ZFYVE9: variants seen among roughly 807,000 people sequenced by gnomAD.
The protein encoded by ZFYVE9 is zinc finger FYVE-type containing 9, also known as zinc finger FYVE domain-containing protein 9.
ZFYVE9 carries 43 observed loss-of-function variants against 126.7 expected under a neutral mutation model. That is an observed-to-expected ratio of 0.34 (90% CI 0.27 to 0.44). ZFYVE9 has a LOEUF of 0.44. ZFYVE9 is among the 20% of genes least tolerant of loss of function. The pLI is 1.00. For missense variants in ZFYVE9, 1,476 were observed against 1,697.0 expected (o/e 0.87, Z 2.29); for synonymous variants, 521 against 597.4 (o/e 0.87, Z 1.87).
intron 17 of ZFYVE9, 52 bp from the exon 18 acceptor site, chr1:52,344,716 T>C: frequency 1.3e-6 from 2 of 1,598,694 alleles, no homozygotes; most frequent in Admixed American, 1.7e-5. Flanking sequence ...GCTAATCTAC[T>C]TCTCCCAAAA....
chr1:52,263,502 G>T (rs1481644490), intron 4 of ZFYVE9, among the ~76,000 whole-genome samples: 1 of 152,018 alleles, frequency 6.6e-6, no homozygotes, highest in Non-Finnish European at 1.5e-5. Flanking sequence ...AATTCAGGTG[G>T]TTTTTTCCCC....
At chr1:52,307,340 A>T (rs1343798924) in intron 13 of ZFYVE9, among the ~76,000 whole-genome samples, 2 of 152,096 alleles carry the variant, frequency 1.3e-5, no homozygotes, top group East Asian at 3.9e-4. Flanking sequence ...GATTCAAGCA[A>T]TTCTCCTACC....
At chr1:52,240,693 T>G (rs929913973) in intron 4 of ZFYVE9, among the ~76,000 whole-genome samples, 2 of 152,198 alleles carry the variant, frequency 1.3e-5, no homozygotes, top group Non-Finnish European at 2.9e-5. Context: ...TCAGTTCTAA[T>G]TATCGGGTCT....
At chr1:52,270,708 TTC>T (rs1645683810) in intron 7 of ZFYVE9, among the ~76,000 whole-genome samples, 1 of 152,158 alleles carries the variant, frequency 6.6e-6, no homozygotes, top group South Asian at 2.1e-4. Context: ...TCTTGAATAG[TTC>T]TCTCTCTTTT....
At chr1:52,213,363 G>A (rs1464326176) in intron 1 of ZFYVE9, among the ~76,000 whole-genome samples, 3 of 151,970 alleles carry the variant, frequency 2.0e-5, no homozygotes, top group Admixed American at 2.0e-4. Flanking sequence ...CAATTAAACA[G>A]GATGAGGCCA....
intron 13 of ZFYVE9, among the ~76,000 whole-genome samples, chr1:52,324,959 A>G (rs1189359753): frequency 6.6e-6 from 1 of 152,130 alleles, no homozygotes; most frequent in Non-Finnish European, 1.5e-5. Context: ...ACATAGTAAG[A>G]AAGACCCCAT....
At chr1:52,269,883 G>A (rs1251782306) in intron 7 of ZFYVE9, among the ~76,000 whole-genome samples, 2 of 151,934 alleles carry the variant, frequency 1.3e-5, no homozygotes, top group Non-Finnish European at 1.5e-5. Flanking sequence ...AACGTCCCAG[G>A]CTCAAGCAAT....
chr1:52,283,949 G>T (rs17107150), intron 10 of ZFYVE9, among the ~76,000 whole-genome samples: 3,116 of 152,256 alleles, frequency 0.02, 94 homozygotes, highest in African/African-American at 0.07. Context: ...AATAATTGCA[G>T]TGGAAATAAA....
intron 10 of ZFYVE9, among the ~76,000 whole-genome samples, chr1:52,283,915 A>T (rs1645828719): frequency 6.6e-6 from 1 of 152,240 alleles, no homozygotes; most frequent in Non-Finnish European, 1.5e-5. Context: ...GCAAGAAATT[A>T]AGAAATTATC....
At chr1:52,211,513 G>A (rs981627734) in intron 1 of ZFYVE9, among the ~76,000 whole-genome samples, 2 of 152,184 alleles carry the variant, frequency 1.3e-5, no homozygotes, top group Non-Finnish European at 2.9e-5. Context: ...CACTTTGTCA[G>A]ACTTTCTGGC....
intron 1 of ZFYVE9, among the ~76,000 whole-genome samples, chr1:52,198,698 G>A (rs919207137): frequency 2.0e-5 from 3 of 152,052 alleles, no homozygotes; most frequent in African/African-American, 4.8e-5. Context: ...GATTCATAAC[G>A]CTGCTTTATA....
At chr1:52,324,302 G>C (rs1646270755) in intron 13 of ZFYVE9, among the ~76,000 whole-genome samples, 1 of 152,026 alleles carries the variant, frequency 6.6e-6, no homozygotes, top group African/African-American at 2.4e-5. Context: ...AAACAAAACA[G>C]ATTGAATGAA....
intron 4 of ZFYVE9, among the ~76,000 whole-genome samples, chr1:52,248,328 A>C (rs1346362931): frequency 6.6e-6 from 1 of 152,202 alleles, no homozygotes; most frequent in Non-Finnish European, 1.5e-5. Flanking sequence ...AGCATCTGGC[A>C]AGGAAAAAGA....
chr1:52,299,007 A>G (rs1430045838), intron 12 of ZFYVE9, among the ~76,000 whole-genome samples: 1 of 151,622 alleles, frequency 6.6e-6, no homozygotes, highest in African/African-American at 2.4e-5. Flanking sequence ...ACGGGGTTTC[A>G]CTGTGTTAGC....
chr1:52,253,629 A>C, intron 4 of ZFYVE9: 1 of 1,408,668 alleles, frequency 7.1e-7, no homozygotes. Flanking sequence ...AAATGACCAC[A>C]CCAAACAAGG....
At chr1:52,300,141 C>T (rs1646019492) in intron 12 of ZFYVE9, among the ~76,000 whole-genome samples, 1 of 152,194 alleles carries the variant, frequency 6.6e-6, no homozygotes, top group African/African-American at 2.4e-5. Flanking sequence ...CAGCACTCCC[C>T]TGGTGCTCTC....
chr1:52,293,702 A>G, intron 11 of ZFYVE9, 25 bp downstream of exon 11: 2 of 1,596,174 alleles, frequency 1.3e-6, no homozygotes, highest in Non-Finnish European at 1.7e-6. Flanking sequence ...CACGTTTTTC[A>G]AGGCATGATG....
chr1:52,341,099 A>T (rs1463429518), intron 17 of ZFYVE9, among the ~76,000 whole-genome samples: 2 of 152,166 alleles, frequency 1.3e-5, no homozygotes, highest in Non-Finnish European at 2.9e-5. Context: ...GCATGCCTGT[A>T]ATCCCAGCTA....
chr1:52,229,907 G>A (rs979812353), intron 2 of ZFYVE9, among the ~76,000 whole-genome samples: 2 of 148,334 alleles, frequency 1.3e-5, no homozygotes, highest in East Asian at 2.0e-4. Context: ...TCGCTCTGTC[G>A]CCCAGGCTGG....
Sources: allele counts gnomAD v4.1 joint callset (sites outside exome capture counted in the v4.1 genomes callset), GRCh38; gene constraint gnomAD v4.1.1; transcripts MANE v1.5; gene names NCBI Gene and HGNC (gene_info 2026-07-23, HGNC 2026-07-21).